Variants in MYO1G observed in about 807,000 individuals in gnomAD.
MYO1G encodes the protein unconventional myosin-Ig.
MYO1G carries 65 observed loss-of-function variants against 115.3 expected under a neutral mutation model. That is an observed-to-expected ratio of 0.56 (90% CI 0.46 to 0.69). The LOEUF is 0.69. Among genes scored for constraint, MYO1G ranks in the 30% least tolerant of loss-of-function variants. The pLI is 0.00. For synonymous variants in MYO1G, 510 were observed against 552.6 expected (o/e 0.92, Z 1.08); for missense variants, 1,204 against 1,393.5 (o/e 0.86, Z 2.16).
rs1300903960 is a variant in MYO1G, at chr7:44,963,605, G to A, written c.2745+444C>T. ...TGGCCTTGATCCCTACCCCCGTCTT[G>A]TGGGAAAGAGAATTTATGGGAACAG... On this transcript the variant is annotated intron_variant, in intron 20 of 21. Transcript: ENST00000258787. This position sits in a 1 kb window ranked among gnomAD's most constrained non-coding sequence, Gnocchi z 4.1. 4.9e-6 allele frequency: 1 copy of A among 203,188 alleles called. No homozygotes were observed. The highest frequency in any genetic ancestry group is 9.9e-6 in the Non-Finnish European group (1 of 101,216). 12.6% of individuals were successfully genotyped at this position (203,188 alleles called of 1,614,324 possible).
chr7:44,970,599 C>T lies in MYO1G; in HGVS notation c.1210G>A (p.Val404Ile), dbSNP rs772753676. The T allele has an allele frequency of 1.2e-5, 19 of 1,613,192 alleles. No homozygotes were observed. Among genetic ancestry groups the T allele is most frequent in the South Asian group, 8.8e-5 (8 of 91,080 alleles). Residue 404 changes from valine (V) to isoleucine (I), a missense_variant, in exon 9 of 22, where the codon GTC becomes ATC. Transcript: ENST00000258787. ...LDIYGFEVFP[V>I]NSFEQFCINY... is the part of the protein sequence containing the mutation. ...GGCTGGCCAGCCACCCACCTGTTGA[C>T]GGGAAACACCTCGAAGCCATAGATG...
chr7:44,970,617 C>T lies in MYO1G; in HGVS notation c.1192G>A (p.Gly398Ser). Residue 398 changes from glycine to serine, a missense_variant, in exon 9 of 22, where the codon GGC (glycine) becomes AGC (serine). Coordinates refer to ENST00000258787, the MANE Select transcript of MYO1G (RefSeq NM_033054.3). ...DTVIGVLDIY[G>S]FEVFPVNSFE... ...CTGTTGACGGGAAACACCTCGAAGC[C>T]ATAGATGTCCAGCACGCCAATGACT... is the stretch of plus-strand genomic sequence containing the variant. 1 of 1,613,670 alleles carries T rather than the reference C, an allele frequency of 6.2e-7. No individual in the cohort carries two copies. The highest frequency in any genetic ancestry group is 8.5e-7 in the Non-Finnish European group (1 of 1,180,028).
At position 44,964,450 on chromosome 7, in the gene MYO1G, A is replaced by G; in HGVS notation, c.2596T>C (p.Phe866Leu). The G allele has an allele frequency of 6.2e-7, 1 of 1,613,854 alleles. No homozygotes were observed. The highest frequency in any genetic ancestry group is 8.5e-7 in the Non-Finnish European group (1 of 1,179,824). ...RLKTLQDKDG[F>L]GAVLFSSHVR... ...TGGCTTGAAAAGAGCACAGCCCCGA[A>G]GCCATCTTTGTCCTGAAGTGTCTTT... The change falls in exon 19 of 22, where the codon TTC (phenylalanine) becomes CTC (leucine). Residue 866 changes from phenylalanine (F) to leucine (L), a missense_variant. Physicochemically the swap from Phe to Leu is conservative, Grantham distance 22 (BLOSUM62 0). Coordinates refer to ENST00000258787, the MANE Select transcript of MYO1G (RefSeq NM_033054.3). This position sits in a 1 kb window ranked among gnomAD's most constrained non-coding sequence, Gnocchi z 5.1.
At chr7:44,972,266 G>A (rs751473077) in intron 5 of MYO1G, 41 bp from the exon 6 acceptor site, 1 of 1,431,894 alleles carries the variant, frequency 7.0e-7, no homozygotes, top group East Asian at 2.3e-5. Context: ...AAGCTCCCAG[G>A]ATGTCCCCCT....
chr7:44,963,800 G>A lies in MYO1G; in HGVS notation c.2745+249C>T, dbSNP rs1047616874. 4.0e-6 allele frequency: 2 copies of A among 504,052 alleles called. No homozygotes were observed. The highest frequency in any genetic ancestry group is 3.8e-5 in the African/African-American group (2 of 52,034). 31.2% of individuals were successfully genotyped at this position (504,052 alleles called of 1,614,324 possible). A position where few individuals can be genotyped will look rare whatever the true frequency, so the allele number is the denominator to read the frequency against. ...ACAAGTTGGAAGAGGGGACCATTTG[G>A]CTTGGCTAGAGTGTGAGAGTGGGGG... On this transcript the variant is annotated intron_variant, in intron 20 of 21. Coordinates refer to ENST00000258787, the MANE Select transcript of MYO1G (RefSeq NM_033054.3). The surrounding 1 kb of genome is among the most constrained non-coding windows in gnomAD (Gnocchi z 4.1).
In MYO1G at chr7:44,965,874, G is replaced by A. The variant is rs1442392419; in HGVS notation, c.2158-14C>T. On this transcript the variant is annotated splice_polypyrimidine_tract_variant and intron_variant, in intron 16 of 21. Coordinates refer to ENST00000258787, the MANE Select transcript of MYO1G (RefSeq NM_033054.3). ...GCCCCGCCATGCCTGGGTGGGCCAG[G>A]TGGGATGGGATACGCAGTCAAATTC... The A allele has an allele frequency of 4.4e-6, 7 of 1,596,922 alleles. No individual in the cohort carries two copies. The highest frequency in any genetic ancestry group is 5.9e-6 in the Non-Finnish European group (7 of 1,178,976).
At position 44,970,857 on chromosome 7, in the gene MYO1G, T is replaced by C; in HGVS notation, c.1049A>G (p.Tyr350Cys). 6.2e-7 allele frequency: 1 copy of C among 1,613,634 alleles called. No homozygotes were observed. Among genetic ancestry groups the C allele is most frequent in the Non-Finnish European group, 8.5e-7 (1 of 1,180,026 alleles). The change falls in exon 8 of 22, where the codon TAT becomes TGT. Residue 350 changes from tyrosine to cysteine, a missense_variant. Tyr to Cys is a radical substitution (Grantham distance 194). Coordinates refer to ENST00000258787, the MANE Select transcript of MYO1G (RefSeq NM_033054.3). ...EKGHTAAEAS[Y>C]ARDACAKAVY... Reference sequence around the variant, plus strand: ...TACCTTGGCACAGGCATCCCGGGCATAGCTGGCCTCAGCTGCAGTGTGGCC... The same window carrying C: ...TACCTTGGCACAGGCATCCCGGGCACAGCTGGCCTCAGCTGCAGTGTGGCC...
chr7:44,969,423 C>T lies in MYO1G; in HGVS notation c.1564G>A (p.Gly522Arg), dbSNP rs1464235643. 2.5e-6 allele frequency: 4 copies of T among 1,613,862 alleles called. No homozygotes were observed. In the East Asian group the frequency reaches 8.9e-5, roughly 36 times the overall value. The change falls in exon 12 of 22, where the codon GGG becomes AGG. Residue 522 changes from glycine to arginine, a missense_variant. Physicochemically the swap from Gly to Arg is moderately radical, Grantham distance 125. Transcript: ENST00000258787. This position sits in a 1 kb window ranked among gnomAD's most constrained non-coding sequence, Gnocchi z 5.0. ...GGAGGGGGCCCTTACGTGACGTCCC[C>T]TGCATAGTGCTTGATCCGGAAGTCT... ...GRDFRIKHYA[G>R]DVTYSVEGFI...
At chr7:44,974,214 T>A (rs535531732) in intron 5 of MYO1G, 1 of 150,928 alleles carries the variant, frequency 6.6e-6, no homozygotes, top group South Asian at 2.1e-4. Context: ...AAGCTCAGAG[T>A]CCTTAAAGGC....
chr7:44,975,203 C>T lies in MYO1G; in HGVS notation c.589G>A (p.Gly197Ser). The change falls in exon 5 of 22, where the codon GGT becomes AGT. Residue 197 changes from glycine (G) to serine (S), a missense_variant. By Grantham distance (56) the Gly-to-Ser change is moderately conservative. Coordinates refer to ENST00000258787, the MANE Select transcript of MYO1G (RefSeq NM_033054.3). ...TAGAAGGCGTGGAAGTTTCTTTCACCCACGTGCTGCTTGAGGACCCGAGAC... is the reference window on the plus strand; with the variant it reads ...TAGAAGGCGTGGAAGTTTCTTTCACTCACGTGCTGCTTGAGGACCCGAGAC... The part of the protein sequence containing the change: ...EKSRVLKQHV[G>S]ERNFHAFYQL... The T allele has an allele frequency of 6.2e-7, 1 of 1,614,068 alleles. No homozygotes were observed. The highest frequency in any genetic ancestry group is 1.7e-5 in the Admixed American group (1 of 60,014).
chr7:44,978,834 G>C (rs1795130670), intron 1 of MYO1G, 33 bp downstream of exon 1: 1 of 1,588,342 alleles, frequency 6.3e-7, no homozygotes, highest in African/African-American at 1.3e-5. Context: ...GACCCTGGAG[G>C]AGGGGAGCCA....
At chr7:44,973,965 A>C (rs1795005092) in intron 5 of MYO1G, 1 of 151,724 alleles carries the variant, frequency 6.6e-6, no homozygotes, top group South Asian at 2.1e-4. Context: ...CTGTGGAGAC[A>C]CTGCCAGTGT....
In MYO1G at chr7:44,971,600, C is replaced by T. The variant is rs538986602; in HGVS notation, c.846+73G>A. Reference sequence around the variant, plus strand: ...GGGCATCTCCAGCCAGTCTCCTCCTCATCCCTGGGTGCTTCCCAGCCAGGA... The same window carrying T: ...GGGCATCTCCAGCCAGTCTCCTCCTTATCCCTGGGTGCTTCCCAGCCAGGA... On this transcript the variant is annotated intron_variant, in intron 7 of 21. Transcript: ENST00000258787. The T allele has an allele frequency of 1.8e-5, 20 of 1,126,170 alleles. No homozygotes were observed. In the South Asian group the frequency reaches 2.9e-4, roughly 16 times the overall value. 69.8% of individuals were successfully genotyped at this position (1,126,170 alleles called of 1,614,324 possible).
At position 44,970,137 on chromosome 7, in the gene MYO1G, A is replaced by C. The variant is rs749930736; in HGVS notation, c.1235T>G (p.Ile412Ser). ...CTGCAGCTTCTCGTTGCAGTAGTTG[A>C]TGCAGAACTGCTCGAAACTGGGGGT... ...FPVNSFEQFC[I>S]NYCNEKLQQL... Residue 412 changes from isoleucine to serine, a missense_variant, in exon 10 of 22, where the codon ATC (isoleucine) becomes AGC (serine). Ile to Ser is a moderately radical substitution (Grantham distance 142, BLOSUM62 -2). Transcript: ENST00000258787. 2.5e-6 allele frequency: 4 copies of C among 1,613,366 alleles called. No homozygotes were observed. The African/African-American group carries it at 5.3e-5, about 22-fold the overall frequency.
chr7:44,967,463 G>A (rs1794867167), intron 14 of MYO1G, 142 bp downstream of exon 14: 3 of 1,132,454 alleles, frequency 2.6e-6, no homozygotes, highest in African/African-American at 1.5e-5. Context: ...TCCACTGCTG[G>A]AGCAGATGTG....
rs1583782882 is a variant in MYO1G, at chr7:44,963,833, T to G, written c.2745+216A>C. On this transcript the variant is annotated intron_variant, in intron 20 of 21. Transcript: ENST00000258787. This position sits in a 1 kb window ranked among gnomAD's most constrained non-coding sequence, Gnocchi z 4.1. ...AGAGTGTGAGAGTGGGGGTGGGGGG[T>G]GACTGGGCTGGTGGGGATCACAGGA... The G allele has an allele frequency of 5.5e-6, 3 of 540,846 alleles. No individual in the cohort carries two copies. The highest frequency in any genetic ancestry group is 2.3e-5 in the South Asian group (1 of 42,938). 33.5% of individuals were successfully genotyped at this position (540,846 alleles called of 1,614,324 possible).
At chr7:44,968,504 ATTTTTTTTTT>A (rs11322671) in intron 12 of MYO1G, 1 of 140,998 alleles carries the variant, frequency 7.1e-6, no homozygotes, top group African/African-American at 2.7e-5. Flanking sequence ...CAGGGAATGG[ATTTTTTTTTT>A]TTTTTTTTGA....
chr7:44,975,018 TGAGTGTGGTGGG>T (rs1251653799), intron 5 of MYO1G, 144 bp downstream of exon 5: 22 of 754,662 alleles, frequency 2.9e-5, no homozygotes, highest in Non-Finnish European at 4.7e-5. Context: ...CTGGTTGGGG[TGAGTGTGGTGGG>T]GAGTGAGGAC....
Position 44,970,954 on chromosome 7 carries a change from G to T in MYO1G, c.952C>A (p.Pro318Thr). ...VDHVAELTAT[P>T]RDLVLRSLLA... ...AGGGAGCGGAGCACGAGGTCCCGGG[G>T]TGTGGCCGTCAGCTCAGCCACATGG... The change falls in exon 8 of 22, where the codon CCC becomes ACC. Residue 318 changes from proline to threonine, a missense_variant. Transcript: ENST00000258787. The T allele has an allele frequency of 1.9e-6, 3 of 1,613,498 alleles. No individual in the cohort carries two copies. In the South Asian group the frequency reaches 3.3e-5, roughly 18 times the overall value.
Sources: allele counts gnomAD v4.1 joint callset, GRCh38; gene constraint gnomAD v4.1.1; non-coding constraint Gnocchi (gnomAD v3.1); transcripts MANE v1.5; gene names NCBI Gene and HGNC (gene_info 2026-07-23, HGNC 2026-07-21).